Variants in ACTR3C observed in about 807,000 individuals in gnomAD.
ACTR3C encodes the protein actin-related protein 3C.
ACTR3C carries 18 observed loss-of-function variants against 26.3 expected under a neutral mutation model. The ratio of observed to expected loss-of-function variants is 0.68; its 90% CI spans 0.47 to 1.01. The LOEUF (loss-of-function observed/expected upper bound fraction) is 1.01, where lower values mean the gene tolerates loss of function less well. Ranked by LOEUF, ACTR3C falls within the 50% of genes least tolerant of loss-of-function variation. The pLI, the probability that ACTR3C is intolerant of heterozygous loss-of-function variation, is 0.00. For synonymous variants in ACTR3C, 55 were observed against 94.5 expected (o/e 0.58, Z 2.42); for missense variants, 184 against 250.7 (o/e 0.73, Z 1.80).
the ACTR3C span, among the ~76,000 whole-genome samples, chr7:150,161,900 G>T: frequency 6.6e-6 from 1 of 151,706 alleles, no homozygotes; most frequent in African/African-American, 2.4e-5. Flanking sequence ...TACTCTCTGC[G>T]GGGCCCTTGG....
At chr7:150,191,317 C>G in the ACTR3C span, among the ~76,000 whole-genome samples, 1 of 152,146 alleles carries the variant, frequency 6.6e-6, no homozygotes, top group African/African-American at 2.4e-5. Flanking sequence ...TAATTGACAT[C>G]TTACCGATAT....
At chr7:150,018,171 G>C in the ACTR3C span, among the ~76,000 whole-genome samples, 1 of 150,114 alleles carries the variant, frequency 6.7e-6, no homozygotes, top group East Asian at 1.9e-4. Flanking sequence ...ACAGTGCTGC[G>C]ATCTCAGCTC....
the ACTR3C span, among the ~76,000 whole-genome samples, chr7:150,174,571 GAAAAA>G: frequency 1.0e-5 from 1 of 99,862 alleles, no homozygotes; most frequent in Non-Finnish European, 1.9e-5. Context: ...ATCCTGCTCT[GAAAAA>G]AAAAAAAAAG....
chr7:149,903,690 T>C, the ACTR3C span, among the ~76,000 whole-genome samples: 58,846 of 143,864 alleles, frequency 0.41, 10,101 homozygotes, highest in African/African-American at 0.46. Flanking sequence ...CACAGGTGAG[T>C]GTCACTACAC....
At chr7:150,057,432 C>T in the ACTR3C span, among the ~76,000 whole-genome samples, 8 of 152,240 alleles carry the variant, frequency 5.3e-5, no homozygotes, top group South Asian at 1.7e-3. Context: ...AGGCATGCGC[C>T]ACCAGAGCTG....
the ACTR3C span, among the ~76,000 whole-genome samples, chr7:150,158,290 C>T: frequency 1.3e-5 from 2 of 151,492 alleles, no homozygotes; most frequent in Non-Finnish European, 2.9e-5. Flanking sequence ...GGAGGTTCCA[C>T]AAAAAAATAA....
intron 6 of ACTR3C, among the ~76,000 whole-genome samples, chr7:150,250,191 A>G (rs1832734341): frequency 6.8e-6 from 1 of 147,148 alleles, no homozygotes; most frequent in Admixed American, 6.6e-5. Context: ...GCAAGAAATG[A>G]CAGAATCTGA....
At chr7:149,995,200 T>A in the ACTR3C span, among the ~76,000 whole-genome samples, 1 of 152,234 alleles carries the variant, frequency 6.6e-6, no homozygotes, top group East Asian at 1.9e-4. Context: ...AGTTACAGAA[T>A]GTAAAGGATT....
chr7:149,889,420 A>G, the ACTR3C span, among the ~76,000 whole-genome samples: 1 of 152,264 alleles, frequency 6.6e-6, no homozygotes. Context: ...TCCAGATTAT[A>G]TAAACAACAC....
the ACTR3C span, among the ~76,000 whole-genome samples, chr7:150,081,637 T>C: frequency 1.3e-5 from 2 of 151,416 alleles, no homozygotes; most frequent in Non-Finnish European, 1.5e-5. Flanking sequence ...TATTCATTTG[T>C]GTGTAGAATC....
the ACTR3C span, among the ~76,000 whole-genome samples, chr7:150,035,872 CA>C: frequency 2.0e-4 from 27 of 137,358 alleles, 2 homozygotes; most frequent in Non-Finnish European, 1.7e-5. Flanking sequence ...TACCAACAGC[CA>C]GGGGCGGAAG....
the ACTR3C span, among the ~76,000 whole-genome samples, chr7:149,912,010 G>GAAAA: frequency 2.3e-5 from 3 of 128,362 alleles, no homozygotes; most frequent in African/African-American, 5.8e-5. Flanking sequence ...ACCCTGTCTC[G>GAAAA]AAAAAAAAAA....
chr7:150,285,251 A>G (rs1167596149), intron 5 of ACTR3C, among the ~76,000 whole-genome samples: 9 of 152,268 alleles, frequency 5.9e-5, no homozygotes, highest in Admixed American at 1.3e-4. Flanking sequence ...GGAAAAAGAA[A>G]CAGGTTCAAT....
intron 1 of ACTR3C, among the ~76,000 whole-genome samples, chr7:150,301,514 C>A: frequency 6.6e-6 from 1 of 152,150 alleles, no homozygotes; most frequent in Non-Finnish European, 1.5e-5. Flanking sequence ...TACCAACATA[C>A]AAATTTAAAG....
the ACTR3C span, among the ~76,000 whole-genome samples, chr7:149,900,790 C>T: frequency 6.6e-6 from 1 of 152,058 alleles, no homozygotes; most frequent in Non-Finnish European, 1.5e-5. Flanking sequence ...GTAATCCCAG[C>T]ACTTTGGAAG....
chr7:150,159,961 AT>A, the ACTR3C span, among the ~76,000 whole-genome samples: 15 of 152,042 alleles, frequency 9.9e-5, no homozygotes, highest in Non-Finnish European at 2.1e-4. Context: ...TGCCTGGCTA[AT>A]TTTTGTATTT....
the ACTR3C span, among the ~76,000 whole-genome samples, chr7:150,021,941 GTC>G: frequency 6.6e-6 from 1 of 151,694 alleles, no homozygotes; most frequent in African/African-American, 2.4e-5. Context: ...GCGTGCAAGT[GTC>G]TTTTTCATAT....
chr7:150,173,365 T>C, the ACTR3C span, among the ~76,000 whole-genome samples: 1 of 145,652 alleles, frequency 6.9e-6, no homozygotes, highest in Admixed American at 6.6e-5. Context: ...CTTCTGAGGC[T>C]ACAGCCTGAG....
the ACTR3C span, among the ~76,000 whole-genome samples, chr7:150,113,245 CAAAA>C: frequency 3.3e-5 from 4 of 122,464 alleles, no homozygotes; most frequent in Admixed American, 7.9e-5. Context: ...TTTCTGAGGG[CAAAA>C]AAAAAAAAAA....
Sources: gnomAD v4.1 joint callset for allele counts (sites outside exome capture counted in the v4.1 genomes callset) on GRCh38, gnomAD v4.1.1 for gene constraint, MANE v1.5 for transcripts, NCBI Gene and HGNC (gene_info 2026-07-23, HGNC 2026-07-21) for gene names.